The following ZBTB8A variants were observed in gnomAD, a reference collection of about 807,000 sequenced individuals.
ZBTB8A encodes the protein zinc finger and BTB domain-containing protein 8A.
Under a neutral mutation model 37.8 loss-of-function variants are expected in ZBTB8A, and 19 were observed. The observed-to-expected ratio is 0.50, with a 90% CI of 0.35 to 0.74. ZBTB8A has a LOEUF of 0.74. Ranked by LOEUF, ZBTB8A falls within the 30% of genes least tolerant of loss-of-function variation. The pLI is 0.01. For synonymous variants in ZBTB8A, 181 were observed against 185.2 expected (o/e 0.98, Z 0.19); for missense variants, 394 against 537.8 (o/e 0.73, Z 2.65).
intron 1 of ZBTB8A, among the ~76,000 whole-genome samples, chr1:32,546,910 T>G (rs1644109133): frequency 6.6e-6 from 1 of 152,016 alleles, no homozygotes; most frequent in Non-Finnish European, 1.5e-5. Context: ...AGTTTTTTGT[T>G]TTTGTTTTTG....
Position 32,604,513 on chromosome 1 carries a change from G to T in ZBTB8A, c.*4094G>T, listed in dbSNP as rs1490888497. The T allele has an allele frequency of 6.6e-6, 1 of 152,162 alleles. No individual in the cohort carries two copies. The highest frequency in any genetic ancestry group is 1.5e-5 in the Non-Finnish European group (1 of 68,036). The allele number at this position is 152,162 out of a possible 1,614,324, so 9.4% of individuals were successfully genotyped here. On this transcript the variant is annotated 3_prime_UTR_variant, in exon 5 of 5. Coordinates refer to ENST00000373510, the MANE Select transcript of ZBTB8A (RefSeq NM_001040441.3). ...GTGCTTATAAGCAGGTAACCATATGGTCTCTTAGTGAAGCAAATCACATCC... is the reference window on the plus strand; with the variant it reads ...GTGCTTATAAGCAGGTAACCATATGTTCTCTTAGTGAAGCAAATCACATCC...
rs118066975 is a variant in ZBTB8A, at chr1:32,546,886, G to T, written c.-83-6573G>T. 1.5e-3 allele frequency among the ~76,000 whole-genome samples: 229 copies of T among 152,162 alleles called. 5 individuals are homozygous for T. In the East Asian group the frequency reaches 0.038, roughly 26 times the overall value. ...CCAACATAAAATTCTTACAGTTCCAGAATATCTGGGGGAAGTTTTTTGTTT... is the reference window on the plus strand; with the variant it reads ...CCAACATAAAATTCTTACAGTTCCATAATATCTGGGGGAAGTTTTTTGTTT... On this transcript the variant is annotated intron_variant, in intron 1 of 4. Coordinates refer to ENST00000373510, the MANE Select transcript of ZBTB8A (RefSeq NM_001040441.3).
intron 4 of ZBTB8A, among the ~76,000 whole-genome samples, chr1:32,596,901 C>G (rs1156367357): frequency 1.3e-5 from 2 of 152,208 alleles, no homozygotes; most frequent in Non-Finnish European, 2.9e-5. Flanking sequence ...AGAATCACCA[C>G]TGTAGATACT....
At chr1:32,587,526 AT>A (rs2148246181) in intron 2 of ZBTB8A, among the ~76,000 whole-genome samples, 1 of 152,166 alleles carries the variant, frequency 6.6e-6, no homozygotes, top group South Asian at 2.1e-4. Flanking sequence ...CATGCCTGTA[AT>A]CCCAGCATTT....
Position 32,600,679 on chromosome 1 carries a change from A to G in ZBTB8A, c.*260A>G. 1 of 365,364 alleles carries G rather than the reference A, an allele frequency of 2.7e-6. No individual in the cohort carries two copies. The highest frequency in any genetic ancestry group is 5.0e-6 in the Non-Finnish European group (1 of 201,712). 22.6% of individuals were successfully genotyped at this position (365,364 alleles called of 1,614,324 possible). ...GAACAATTATCCTCTTACTTTCATTACAATCCTCTTACTTTATTCCAGAGA... is the reference window on the plus strand; with the variant it reads ...GAACAATTATCCTCTTACTTTCATTGCAATCCTCTTACTTTATTCCAGAGA... On this transcript the variant is annotated 3_prime_UTR_variant, in exon 5 of 5. Coordinates refer to ENST00000373510, the MANE Select transcript of ZBTB8A (RefSeq NM_001040441.3).
At chr1:32,553,860 TG>T (rs1285629979) in intron 2 of ZBTB8A, among the ~76,000 whole-genome samples, 17 of 126,374 alleles carry the variant, frequency 1.3e-4, no homozygotes, top group African/African-American at 5.2e-4. Context: ...CACTCCAGCC[TG>T]GGCAACAAGA....
At chr1:32,575,734 C>T (rs562045009) in intron 2 of ZBTB8A, among the ~76,000 whole-genome samples, 100 of 151,892 alleles carry the variant, frequency 6.6e-4, no homozygotes, top group African/African-American at 2.1e-3. Context: ...CTCCTGTAGT[C>T]CCAGCTACTC....
intron 2 of ZBTB8A, among the ~76,000 whole-genome samples, chr1:32,575,279 T>C (rs979861811): frequency 3.1e-4 from 45 of 143,944 alleles, no homozygotes; most frequent in Non-Finnish European, 6.3e-4. Context: ...GAGGCTGGAG[T>C]GCAGTGGCAC....
chr1:32,546,898 G>C (rs1176953112), intron 1 of ZBTB8A, among the ~76,000 whole-genome samples: 1 of 152,064 alleles, frequency 6.6e-6, no homozygotes, highest in Non-Finnish European at 1.5e-5. Flanking sequence ...ATATCTGGGG[G>C]AAGTTTTTTG....
At chr1:32,571,581 A>AT (rs200795067) in intron 2 of ZBTB8A, among the ~76,000 whole-genome samples, 242 of 148,344 alleles carry the variant, frequency 1.6e-3, no homozygotes, top group Non-Finnish European at 2.6e-3. Flanking sequence ...TACAAATATA[A>AT]TTTTTTTTTT....
At position 32,604,217 on chromosome 1, in the gene ZBTB8A, G is replaced by T. The variant is rs1021698508; in HGVS notation, c.*3798G>T. The T allele has an allele frequency of 5.9e-5, 9 of 152,138 alleles. No homozygotes were observed. The highest frequency in any genetic ancestry group is 1.0e-4 in the Non-Finnish European group (7 of 68,022). 9.4% of individuals were successfully genotyped at this position (152,138 alleles called of 1,614,324 possible). A position where few individuals can be genotyped will look rare whatever the true frequency, so the allele number is the denominator to read the frequency against. ...AAAAAGAAAGCACCACTGCAGTCAT[G>T]CCTAGTGTCTGGGAGAAACAAAATG... On this transcript the variant is annotated 3_prime_UTR_variant, in exon 5 of 5. Coordinates refer to ENST00000373510, the MANE Select transcript of ZBTB8A (RefSeq NM_001040441.3).
In ZBTB8A at chr1:32,605,758, A is replaced by G. The variant is rs1644613402; in HGVS notation, c.*5339A>G. On this transcript the variant is annotated 3_prime_UTR_variant, in exon 5 of 5. Transcript: ENST00000373510. Reference sequence around the variant, plus strand: ...ACCTAAGACAACCCAGTGAAATGGTAGCAAAAAATAGGAAATATAATGATC... The same window carrying G: ...ACCTAAGACAACCCAGTGAAATGGTGGCAAAAAATAGGAAATATAATGATC... 1 of 149,558 alleles carries G rather than the reference A, an allele frequency of 6.7e-6. No homozygotes were observed. The highest frequency in any genetic ancestry group is 1.5e-5 in the Non-Finnish European group (1 of 67,742). The allele number at this position is 149,558 out of a possible 1,614,324, so 9.3% of individuals were successfully genotyped here. A position where few individuals can be genotyped will look rare whatever the true frequency, so the allele number is the denominator to read the frequency against.
At chr1:32,580,606 T>C (rs895291049) in intron 2 of ZBTB8A, among the ~76,000 whole-genome samples, 4 of 151,938 alleles carry the variant, frequency 2.6e-5, no homozygotes, top group African/African-American at 9.7e-5. Context: ...AAAAGGGCAC[T>C]GTCCTATGGT....
At chr1:32,582,615 C>A (rs1644415708) in intron 2 of ZBTB8A, among the ~76,000 whole-genome samples, 1 of 151,832 alleles carries the variant, frequency 6.6e-6, no homozygotes, top group African/African-American at 2.4e-5. Context: ...TGCACTCCAG[C>A]CTGGGCAACA....
At chr1:32,577,172 C>T (rs1644367011) in intron 2 of ZBTB8A, among the ~76,000 whole-genome samples, 1 of 151,850 alleles carries the variant, frequency 6.6e-6, no homozygotes, top group African/African-American at 2.4e-5. Flanking sequence ...CCATGCCTGG[C>T]CTTTGTTCAT....
intron 2 of ZBTB8A, among the ~76,000 whole-genome samples, chr1:32,569,675 A>ACAT (rs1387503800): frequency 6.6e-6 from 1 of 151,732 alleles, no homozygotes. Context: ...TACAGGCATG[A>ACAT]GCCACCGCTC....
chr1:32,586,244 G>A (rs756146712), intron 2 of ZBTB8A, among the ~76,000 whole-genome samples: 27 of 151,624 alleles, frequency 1.8e-4, no homozygotes, highest in Non-Finnish European at 2.9e-4. Context: ...GCTTGAACCC[G>A]GGAGGCAGAG....
intron 3 of ZBTB8A, 149 bp from the exon 4 acceptor site, chr1:32,594,905 C>A: frequency 3.8e-6 from 3 of 791,408 alleles, no homozygotes; most frequent in South Asian, 3.3e-5. Flanking sequence ...ACTTTTTGGG[C>A]TAACCAACTC....
At position 32,568,153 on chromosome 1, in the gene ZBTB8A, A is replaced by T. The variant is rs113382663; in HGVS notation, c.-2+14613A>T. Among the ~76,000 whole-genome samples the T allele has an allele frequency of 4.5e-3, 692 of 152,218 alleles. 9 individuals are homozygous for T. Among genetic ancestry groups the T allele is most frequent in the East Asian group, 0.043 (224 of 5,164 alleles). On this transcript the variant is annotated intron_variant, in intron 2 of 4. Transcript: ENST00000373510. Reference sequence around the variant, plus strand: ...GACAGAGCAAGACTCTGTCTAGAGAAAAAATTAAGATATAATTTACATACA... The same window carrying T: ...GACAGAGCAAGACTCTGTCTAGAGATAAAATTAAGATATAATTTACATACA...
Sources: gnomAD v4.1 joint callset for allele counts (sites outside exome capture counted in the v4.1 genomes callset) on GRCh38, gnomAD v4.1.1 for gene constraint, MANE v1.5 for transcripts, NCBI Gene and HGNC (gene_info 2026-07-23, HGNC 2026-07-21) for gene names.